Variants in PCDH11X observed in about 807,000 individuals in gnomAD.
PCDH11X encodes protocadherin-11 X-linked.
A neutral mutation model predicts 53.3 loss-of-function variants in PCDH11X; 18 were observed. That is an observed-to-expected ratio of 0.34 (90% CI 0.23 to 0.50). The LOEUF (loss-of-function observed/expected upper bound fraction) is 0.50. Ranked by LOEUF, PCDH11X falls within the 20% of genes least tolerant of loss-of-function variation. The pLI is 0.98. For synonymous variants in PCDH11X, 279 were observed against 393.3 expected (o/e 0.71, Z 3.44); for missense variants, 570 against 1,032.4 (o/e 0.55, Z 6.14).
intron 7 of PCDH11X, among the ~76,000 whole-genome samples, chrX:92,246,766 A>T (rs2067360187): frequency 8.9e-6 from 1 of 112,235 alleles, no homozygotes; most frequent in African/African-American, 3.2e-5. Context: ...TAAAATATTT[A>T]AAAATAAATT....
chrX:92,205,679 C>A (rs1234485741), intron 7 of PCDH11X, among the ~76,000 whole-genome samples: 2 of 103,365 alleles, frequency 1.9e-5, no homozygotes, highest in African/African-American at 7.2e-5. Flanking sequence ...CAGCTCACTG[C>A]AACCTCTGCC....
At chrX:92,334,986 G>T (rs1199046232) in intron 8 of PCDH11X, among the ~76,000 whole-genome samples, 1 of 109,497 alleles carries the variant, frequency 9.1e-6, no homozygotes, top group Non-Finnish European at 1.9e-5. Context: ...GTGTAAGAAG[G>T]GCTGGTTCCC....
intron 6 of PCDH11X, among the ~76,000 whole-genome samples, chrX:92,054,751 C>T (rs1236345828): frequency 1.0e-5 from 1 of 96,127 alleles, no homozygotes; most frequent in Non-Finnish European, 2.0e-5. Flanking sequence ...ACCCGGGAGG[C>T]AGAGGTTGCG....
At chrX:92,293,450 C>G (rs2068534637) in intron 8 of PCDH11X, among the ~76,000 whole-genome samples, 1 of 109,330 alleles carries the variant, frequency 9.1e-6, no homozygotes, top group Non-Finnish European at 1.9e-5. Flanking sequence ...CAGTGAAACC[C>G]CGCCTCTACA....
At chrX:91,969,072 G>A (rs1460100479) in intron 6 of PCDH11X, among the ~76,000 whole-genome samples, 2 of 110,682 alleles carry the variant, frequency 1.8e-5, no homozygotes, top group Admixed American at 9.7e-5. Context: ...TCTGACAGAC[G>A]CAAAATATTT....
intron 6 of PCDH11X, among the ~76,000 whole-genome samples, chrX:92,105,430 C>A (rs1289880298): frequency 9.1e-6 from 1 of 110,094 alleles, no homozygotes; most frequent in Non-Finnish European, 1.9e-5. Context: ...AGTCACGGCA[C>A]CAAATTTCAT....
At chrX:92,545,119 G>C (rs1469717834) in intron 10 of PCDH11X, among the ~76,000 whole-genome samples, 1 of 111,436 alleles carries the variant, frequency 9.0e-6, no homozygotes, top group African/African-American at 3.3e-5. Flanking sequence ...GGCCATTATA[G>C]CTTTTGGTAC....
chrX:91,886,841 G>C (rs1288452962), intron 6 of PCDH11X, among the ~76,000 whole-genome samples: 1 of 107,461 alleles, frequency 9.3e-6, no homozygotes, highest in Non-Finnish European at 1.9e-5. Flanking sequence ...CGTGGTGGCG[G>C]GCGCCTGTAG....
chrX:92,395,272 A>T (rs1258567823), intron 9 of PCDH11X, among the ~76,000 whole-genome samples: 1 of 111,494 alleles, frequency 9.0e-6, no homozygotes, highest in Non-Finnish European at 1.9e-5. Context: ...ATTTGTATAG[A>T]CCTGAAAGGC....
At chrX:92,302,085 C>A (rs1015855996) in intron 8 of PCDH11X, among the ~76,000 whole-genome samples, 2 of 111,457 alleles carry the variant, frequency 1.8e-5, no homozygotes, top group Non-Finnish European at 3.8e-5. Context: ...CAAGGTAGAA[C>A]CTCCATCACT....
intron 9 of PCDH11X, among the ~76,000 whole-genome samples, chrX:92,411,932 G>C (rs1342945161): frequency 3.1e-5 from 1 of 31,857 alleles, no homozygotes; most frequent in African/African-American, 2.2e-4. Flanking sequence ...AGTGGGAGGA[G>C]GAGGGGGGAG....
chrX:91,814,430 TA>T (rs1287097149), intron 4 of PCDH11X, among the ~76,000 whole-genome samples: 1 of 110,029 alleles, frequency 9.1e-6, no homozygotes, highest in Non-Finnish European at 1.9e-5. Flanking sequence ...ATTCGTCTTT[TA>T]AAATAAGCTT....
chrX:92,237,187 A>G (rs2067187288), intron 7 of PCDH11X, among the ~76,000 whole-genome samples: 1 of 110,931 alleles, frequency 9.0e-6, no homozygotes, highest in Admixed American at 9.7e-5. Context: ...AAATTTATTA[A>G]TATAGCAAAA....
chrX:92,109,373 CA>C (rs373993283), intron 6 of PCDH11X, among the ~76,000 whole-genome samples: 6,207 of 102,174 alleles, frequency 0.061, 478 homozygotes, highest in African/African-American at 0.21. Context: ...GATTCCATCT[CA>C]AAAAAAAAAC....
At position 91,835,852 on chromosome X, in the gene PCDH11X, G is replaced by A. The variant is rs1314006138; in HGVS notation, c.348G>A (p.Pro116=). ...ATGAAGTGGAGGTTGCCATTTTGCC[G>A]GATGAAATATTTAGACTGGTTAAGA... is the stretch of plus-strand genomic sequence containing the variant. ...CFYEVEVAIL[P]DEIFRLVKIR... The change falls in exon 5 of 11, where the codon CCG becomes CCA. Residue 116 remains proline (P), a synonymous_variant. Transcript: ENST00000682573. The A allele has an allele frequency of 1.1e-5, 13 of 1,206,714 alleles. No homozygotes were observed. Among genetic ancestry groups the A allele is most frequent in the African/African-American group, 5.3e-5 (3 of 56,177 alleles).
intron 5 of PCDH11X, among the ~76,000 whole-genome samples, chrX:91,844,683 A>C (rs1333513426): frequency 9.4e-6 from 1 of 105,997 alleles, no homozygotes; most frequent in African/African-American, 3.4e-5. Context: ...TAGGTCTTAA[A>C]ATATCCTTTT....
intron 2 of PCDH11X, among the ~76,000 whole-genome samples, chrX:91,810,237 T>A (rs1936253905): frequency 9.0e-6 from 1 of 111,052 alleles, no homozygotes; most frequent in Admixed American, 9.6e-5. Flanking sequence ...ATTTTTTGTT[T>A]TTTAATCCAA....
intron 6 of PCDH11X, among the ~76,000 whole-genome samples, chrX:92,104,959 G>T (rs1419226209): frequency 9.0e-6 from 1 of 110,591 alleles, no homozygotes; most frequent in African/African-American, 3.3e-5. Flanking sequence ...AGGGGTACTT[G>T]CCCCTGCCCC....
At chrX:92,066,851 C>T (rs1052725815) in intron 6 of PCDH11X, among the ~76,000 whole-genome samples, 1 of 112,360 alleles carries the variant, frequency 8.9e-6, no homozygotes, top group Non-Finnish European at 1.9e-5. Context: ...GGCCTGTAAT[C>T]CCAGCACTTT....
Sources: gnomAD v4.1 joint callset for allele counts (sites outside exome capture counted in the v4.1 genomes callset) on GRCh38, gnomAD v4.1.1 for gene constraint, MANE v1.5 for transcripts, NCBI Gene and HGNC (gene_info 2026-07-23, HGNC 2026-07-21) for gene names.